Variants in PARD3B observed in about 807,000 individuals in gnomAD.
PARD3B encodes par-3 family cell polarity regulator beta, also known as partitioning defective 3 homolog B.
A neutral mutation model predicts 130.2 loss-of-function variants in PARD3B; 103 were observed. The ratio of observed to expected loss-of-function variants is 0.79; its 90% CI spans 0.67 to 0.93. The LOEUF is 0.93. Ranked by LOEUF, PARD3B falls within the 40% of genes least tolerant of loss-of-function variation. The probability of loss-of-function intolerance (pLI) is 0.00; values close to 1 mark genes in which losing one functional copy is unlikely to be tolerated. For missense variants in PARD3B, 1,609 were observed against 1,499.2 expected, an observed-to-expected ratio of 1.07 and a Z score of -1.21; for synonymous variants, 583 against 553.2, an observed-to-expected ratio of 1.05 and a Z score of -0.76.
intron 2 of PARD3B, among the ~76,000 whole-genome samples, chr2:204,922,812 C>G (rs146489714): frequency 1.3e-5 from 2 of 152,172 alleles, no homozygotes; most frequent in Non-Finnish European, 2.9e-5. Context: ...TGTGTCTCTC[C>G]AAATCTCCTC....
intron 21 of PARD3B, among the ~76,000 whole-genome samples, chr2:205,523,864 G>C (rs905810242): frequency 7.0e-6 from 1 of 142,376 alleles, no homozygotes; most frequent in African/African-American, 2.6e-5. Flanking sequence ...AGAATAGGCA[G>C]TATATTTTTA....
chr2:205,105,398 A>T lies in PARD3B; in HGVS notation c.593+884A>T, dbSNP rs1401649937. ...AATTTGGCATAAGGAAAATAATTTC[A>T]TATTTAATAGATGGTTACTTCAGCA... On this transcript the variant is annotated intron_variant, in intron 5 of 22. Transcript: ENST00000406610. The surrounding 1 kb of genome is among the most constrained non-coding windows in gnomAD (Gnocchi z 4.0). 6.6e-6 allele frequency among the ~76,000 whole-genome samples: 1 copy of T among 152,152 alleles called. No individual in the cohort carries two copies. Among genetic ancestry groups the T allele is most frequent in the African/African-American group, 2.4e-5 (1 of 41,430 alleles).
At chr2:204,879,563 C>T (rs1463344193) in intron 2 of PARD3B, among the ~76,000 whole-genome samples, 2 of 152,172 alleles carry the variant, frequency 1.3e-5, no homozygotes, top group Admixed American at 1.3e-4. Context: ...CAATGCTACA[C>T]TCCTGGAGGA....
Position 205,615,990 on chromosome 2 carries a change from T to A in PARD3B, c.*177T>A, listed in dbSNP as rs2055421028. 1 of 595,586 alleles carries A rather than the reference T, an allele frequency of 1.7e-6. No homozygotes were observed. The highest frequency in any genetic ancestry group is 1.9e-5 in the African/African-American group (1 of 53,246). 36.9% of individuals were successfully genotyped at this position (595,586 alleles called of 1,614,324 possible). On this transcript the variant is annotated 3_prime_UTR_variant, in exon 23 of 23. Transcript: ENST00000406610. ...AGAGAGAAAAAGAAGGGGAAGGGAA[T>A]TGGGGAGGAAAAAAAATCAGAAGGA...
rs761334438 is a variant in PARD3B at position 205,615,498 on chromosome 2, T to C, written c.3303T>C (p.Pro1101=). The change falls in exon 23 of 23, where the codon CCT becomes CCC. Residue 1101 remains proline (P), a synonymous_variant. Coordinates refer to ENST00000406610, the MANE Select transcript of PARD3B (RefSeq NM_001302769.2). ...ADPVDYLPAA[P]RGLYKERELP... ...CTGTAGACTATCTGCCAGCAGCACC[T>C]CGGGGGCTCTACAAGGAAAGGGAGC... is the stretch of plus-strand genomic sequence containing the variant. 1.3e-5 allele frequency: 21 copies of C among 1,613,126 alleles called. No individual in the cohort carries two copies. Among genetic ancestry groups the C allele is most frequent in the Non-Finnish European group, 1.8e-5 (21 of 1,179,488 alleles).
Position 204,980,347 on chromosome 2 carries a change from ATTGT to A in PARD3B, c.394+15028_394+15031del, listed in dbSNP as rs762467983. Reference sequence around the variant, plus strand: ...GCATGAGCCCATACTGATATAAGTGATTGTTTGAGTAAATAAAACTAGTAGTGCT... The same window carrying A: ...GCATGAGCCCATACTGATATAAGTGATTGAGTAAATAAAACTAGTAGTGCT... On this transcript the variant is annotated intron_variant, in intron 3 of 22. Coordinates refer to ENST00000406610, the MANE Select transcript of PARD3B (RefSeq NM_001302769.2). Among the ~76,000 whole-genome samples the A allele has an allele frequency of 1.4e-4, 21 of 152,340 alleles. 1 individual carries two copies. The East Asian group carries it at 2.1e-3, about 15-fold the overall frequency.
chr2:205,144,576 T>G (rs1260785449), intron 10 of PARD3B, among the ~76,000 whole-genome samples: 2 of 152,214 alleles, frequency 1.3e-5, no homozygotes, highest in Non-Finnish European at 2.9e-5. Flanking sequence ...TATTTTATAG[T>G]CAGTTGTATC....
At chr2:204,926,493 C>T (rs553690334) in intron 2 of PARD3B, among the ~76,000 whole-genome samples, 58 of 152,138 alleles carry the variant, frequency 3.8e-4, no homozygotes, top group Non-Finnish European at 7.6e-4. Flanking sequence ...AATTAAGTCC[C>T]AATTCTAATT....
intron 3 of PARD3B, among the ~76,000 whole-genome samples, chr2:205,035,611 G>C (rs890657347): frequency 1.3e-5 from 2 of 151,540 alleles, no homozygotes; most frequent in Non-Finnish European, 2.9e-5. Context: ...CTGTACCTTA[G>C]TATCATGAAA....
Position 204,623,017 on chromosome 2 carries a change from A to G in PARD3B, c.121-63164A>G, listed in dbSNP as rs997003255. ...TCATTTGCTTAGGCAGTGCTTTGTC[A>G]GAGATGGCAGACTATAAATTGGATC... On this transcript the variant is annotated intron_variant, in intron 1 of 22. Coordinates refer to ENST00000406610, the MANE Select transcript of PARD3B (RefSeq NM_001302769.2). This position sits in a 1 kb window ranked among gnomAD's most constrained non-coding sequence, Gnocchi z 4.5. Among the ~76,000 whole-genome samples, 12 of 152,218 alleles carry G rather than the reference A, an allele frequency of 7.9e-5. No individual in the cohort carries two copies. Among genetic ancestry groups the G allele is most frequent in the African/African-American group, 2.9e-4 (12 of 41,466 alleles).
rs190923260 is a variant in PARD3B, at chr2:205,097,033, G to T, written c.505-7393G>T. On this transcript the variant is annotated intron_variant, in intron 4 of 22. Transcript: ENST00000406610. Reference sequence around the variant, plus strand: ...AAGTCTTAGGAAACGGGGGTCCCAAGAAATTTTGGTTCTTTCTTTGACCTT... The same window carrying T: ...AAGTCTTAGGAAACGGGGGTCCCAATAAATTTTGGTTCTTTCTTTGACCTT... Among the ~76,000 whole-genome samples, 581 of 152,222 alleles carry T rather than the reference G, an allele frequency of 3.8e-3. 3 individuals are homozygous for T. The highest frequency in any genetic ancestry group is 0.013 in the African/African-American group (540 of 41,542).
At chr2:204,912,488 T>A (rs1191918975) in intron 2 of PARD3B, among the ~76,000 whole-genome samples, 1 of 152,192 alleles carries the variant, frequency 6.6e-6, no homozygotes, top group Non-Finnish European at 1.5e-5. Context: ...CAAGAAGATA[T>A]CTCTTTTAGC....
At chr2:205,542,281 A>G (rs781067263) in intron 21 of PARD3B, among the ~76,000 whole-genome samples, 1 of 151,972 alleles carries the variant, frequency 6.6e-6, no homozygotes, top group East Asian at 1.9e-4. Flanking sequence ...GGGTTACTAA[A>G]GGCCTTGCAT....
chr2:204,738,006 C>A (rs1290740187), intron 2 of PARD3B, among the ~76,000 whole-genome samples: 1 of 152,040 alleles, frequency 6.6e-6, no homozygotes, highest in African/African-American at 2.4e-5. Context: ...TCATGTGATA[C>A]CTCCAGATTT....
chr2:205,321,419 T>G lies in PARD3B; in HGVS notation c.2630+19718T>G, dbSNP rs945113414. Among the ~76,000 whole-genome samples, 1 of 152,120 alleles carries G rather than the reference T, an allele frequency of 6.6e-6. No homozygotes were observed. Among genetic ancestry groups the G allele is most frequent in the Non-Finnish European group, 1.5e-5 (1 of 68,002 alleles). On this transcript the variant is annotated intron_variant, in intron 18 of 22. Transcript: ENST00000406610. This position sits in a 1 kb window ranked among gnomAD's most constrained non-coding sequence, Gnocchi z 4.2. ...CGCCCAGATTCCTCAGATAGTAACA[T>G]TTTTTCTGAATTAGCTGTAGCATTC...
chr2:205,251,203 G>A (rs1574504860), intron 16 of PARD3B, among the ~76,000 whole-genome samples: 1 of 152,118 alleles, frequency 6.6e-6, no homozygotes, highest in Non-Finnish European at 1.5e-5. Context: ...AGTTCCTTGA[G>A]TATGAGAGGG....
intron 20 of PARD3B, among the ~76,000 whole-genome samples, chr2:205,466,292 A>G (rs1286659111): frequency 1.3e-5 from 2 of 152,236 alleles, no homozygotes; most frequent in African/African-American, 2.4e-5. Flanking sequence ...ATTTCCTCAT[A>G]TCGGTGAGAT....
chr2:205,155,052 A>T (rs1415155978), intron 10 of PARD3B, among the ~76,000 whole-genome samples: 1 of 102,698 alleles, frequency 9.7e-6, no homozygotes, highest in Non-Finnish European at 2.1e-5. Flanking sequence ...ATAATAATAA[A>T]TTTCATTTCA....
rs1330659260 is a variant in PARD3B at position 205,160,323 on chromosome 2, C to G, written c.1620+1416C>G. On this transcript the variant is annotated intron_variant, in intron 11 of 22. Transcript: ENST00000406610. This position sits in a 1 kb window ranked among gnomAD's most constrained non-coding sequence, Gnocchi z 4.0. ...GGTGTCTCTTGATCCCACTGTAACT[C>G]TGCAGATCTGAGTGTGCTGCACTTC... is the stretch of plus-strand genomic sequence containing the variant. 2.6e-5 allele frequency among the ~76,000 whole-genome samples: 4 copies of G among 152,190 alleles called. No individual in the cohort carries two copies. Among genetic ancestry groups the G allele is most frequent in the African/African-American group, 9.7e-5 (4 of 41,448 alleles).
Sources: allele counts gnomAD v4.1 joint callset (sites outside exome capture counted in the v4.1 genomes callset), GRCh38; gene constraint gnomAD v4.1.1; non-coding constraint Gnocchi (gnomAD v3.1); transcripts MANE v1.5; gene names NCBI Gene and HGNC (gene_info 2026-07-23, HGNC 2026-07-21).